Variants in SHISAL1 observed in about 807,000 individuals in gnomAD.
SHISAL1 encodes the protein shisa like 1.
Under a neutral mutation model 22.6 loss-of-function variants are expected in SHISAL1, and 9 were observed. The ratio of observed to expected loss-of-function variants is 0.40; its 90% CI spans 0.24 to 0.70. SHISAL1 has a LOEUF of 0.70. Ranked by LOEUF, SHISAL1 falls within the 30% of genes least tolerant of loss-of-function variation. The pLI, the probability that SHISAL1 is intolerant of heterozygous loss-of-function variation, is 0.39. For synonymous variants in SHISAL1, 119 were observed against 115.4 expected, an observed-to-expected ratio of 1.03 and a Z score of -0.20; for missense variants, 246 against 270.6, an observed-to-expected ratio of 0.91 and a Z score of 0.64.
intron 2 of SHISAL1, 35 bp downstream of exon 2, chr22:44,300,844 G>A: frequency 1.3e-6 from 2 of 1,587,270 alleles, no homozygotes; most frequent in Non-Finnish European, 8.6e-7. Context: ...ACCCCCACGT[G>A]CCGCCCCCGC....
In SHISAL1 at chr22:44,249,716, C is replaced by T. The variant is rs1374848991; in HGVS notation, c.*-31G>A. ...GGAAATACAAGGAAAAAAAGTATCA[C>T]ATGGTGTCTCCTCCATGGGGACATT... On this transcript the variant is annotated intron_variant, in intron 4 of 4. Transcript: ENST00000381176. 6 of 778,486 alleles carry T rather than the reference C, an allele frequency of 7.7e-6. No individual in the cohort carries two copies. The African/African-American group carries it at 8.5e-5, about 11-fold the overall frequency. The allele number at this position is 778,486 out of a possible 1,614,324, so 48.2% of individuals were successfully genotyped here. A position where few individuals can be genotyped will look rare whatever the true frequency, so the allele number is the denominator to read the frequency against.
chr22:44,250,616 C>G (rs527370075), intron 4 of SHISAL1, among the ~76,000 whole-genome samples: 1 of 152,296 alleles, frequency 6.6e-6, no homozygotes, highest in South Asian at 2.1e-4. Context: ...GGTCACATGA[C>G]CCAGTCTGGC....
chr22:44,318,062 G>A, the SHISAL1 span, among the ~76,000 whole-genome samples: 1 of 152,244 alleles, frequency 6.6e-6, no homozygotes, highest in African/African-American at 2.4e-5. Context: ...CCACATTCAG[G>A]CTGGCTGCCC....
chr22:44,327,756 C>G, the SHISAL1 span, among the ~76,000 whole-genome samples: 2 of 152,082 alleles, frequency 1.3e-5, no homozygotes, highest in African/African-American at 4.8e-5. Flanking sequence ...GTGAGACCAG[C>G]GCCTATGGAA....
intron 1 of SHISAL1, among the ~76,000 whole-genome samples, chr22:44,307,875 G>A (rs1272100081): frequency 6.6e-6 from 1 of 152,216 alleles, no homozygotes; most frequent in Non-Finnish European, 1.5e-5. Context: ...ATGCAGGATG[G>A]CCTGCGGGGA....
intron 4 of SHISAL1, among the ~76,000 whole-genome samples, chr22:44,261,077 T>TTATATATATATATATA (rs56290835): frequency 0.02 from 2,181 of 108,146 alleles, 82 homozygotes; most frequent in East Asian, 0.039. Context: ...CTTCATTACT[T>TTATATATATATATATA]TATATATATA....
intron 2 of SHISAL1, among the ~76,000 whole-genome samples, chr22:44,298,241 T>G (rs2055401437): frequency 6.6e-6 from 1 of 152,210 alleles, no homozygotes; most frequent in Non-Finnish European, 1.5e-5. Flanking sequence ...GAGCCCCAAG[T>G]AGACAGCTGT....
intron 3 of SHISAL1, among the ~76,000 whole-genome samples, chr22:44,288,735 C>A (rs989890465): frequency 6.6e-6 from 1 of 152,266 alleles, no homozygotes; most frequent in African/African-American, 2.4e-5. Context: ...CTCTCCAGAA[C>A]CCCTGCCTAC....
chr22:44,303,712 T>G (rs1472506434), intron 1 of SHISAL1, among the ~76,000 whole-genome samples: 1 of 152,160 alleles, frequency 6.6e-6, no homozygotes, highest in Admixed American at 6.5e-5. Flanking sequence ...TGGAGCCTGG[T>G]CCGTGGAAGG....
intron 4 of SHISAL1, among the ~76,000 whole-genome samples, chr22:44,284,893 T>TCCTG (rs376263550): frequency 1.6e-3 from 227 of 144,194 alleles, no homozygotes; most frequent in Admixed American, 5.0e-3. Context: ...CTCTCTGCCT[T>TCCTG]CCTGCCTTCC....
In SHISAL1 at chr22:44,285,673, C is replaced by T. The variant is rs942287797; in HGVS notation, c.354G>A (p.Leu118=). ...TGTCGTAGTTCATTGCCGAGTAATACAAAAGGTCCAGAACCAGCAGCATCA... is the reference window on the plus strand; with the variant it reads ...TGTCGTAGTTCATTGCCGAGTAATATAAAAGGTCCAGAACCAGCAGCATCA... ...FVLMLLVLDL[L]YYSAMNYDIC... Residue 118 remains leucine, a synonymous_variant, in exon 4 of 5, where the codon TTG becomes TTA. Transcript: ENST00000381176. The T allele has an allele frequency of 2.5e-6, 4 of 1,614,198 alleles. No homozygotes were observed. Among genetic ancestry groups the T allele is most frequent in the Middle Eastern group, 1.6e-4 (1 of 6,062 alleles).
chr22:44,326,541 G>T, the SHISAL1 span, among the ~76,000 whole-genome samples: 1 of 152,136 alleles, frequency 6.6e-6, no homozygotes, highest in South Asian at 2.1e-4. Context: ...CCCTCCCAGG[G>T]CTCTGTTAAG....
At chr22:44,303,722 G>A (rs1182074128) in intron 1 of SHISAL1, among the ~76,000 whole-genome samples, 1 of 152,180 alleles carries the variant, frequency 6.6e-6, no homozygotes, top group South Asian at 2.1e-4. Context: ...TCCGTGGAAG[G>A]GCTGGGTTGG....
At chr22:44,306,812 G>T (rs7511467) in intron 1 of SHISAL1, among the ~76,000 whole-genome samples, 1 of 130,810 alleles carries the variant, frequency 7.6e-6, no homozygotes, top group Non-Finnish European at 1.6e-5. Flanking sequence ...TGATGACGAC[G>T]GCGTGTGTGG....
chr22:44,284,901 T>TG (rs1555928208), intron 4 of SHISAL1, among the ~76,000 whole-genome samples: 585 of 25,932 alleles, frequency 0.023, 6 homozygotes, highest in African/African-American at 0.067. Flanking sequence ...CTTCCTGCCT[T>TG]CCTTCCTTCC....
the SHISAL1 span, among the ~76,000 whole-genome samples, chr22:44,320,550 C>T: frequency 6.6e-6 from 1 of 152,230 alleles, no homozygotes; most frequent in Non-Finnish European, 1.5e-5. Context: ...TTTTTTTCCA[C>T]TCCACTGCTT....
intron 4 of SHISAL1, among the ~76,000 whole-genome samples, chr22:44,264,711 C>T (rs1316625838): frequency 6.6e-6 from 1 of 152,152 alleles, no homozygotes; most frequent in African/African-American, 2.4e-5. Flanking sequence ...TGGGTGAGGT[C>T]CCCAACACAC....
At chr22:44,265,680 G>A (rs2055157023) in intron 4 of SHISAL1, among the ~76,000 whole-genome samples, 1 of 152,196 alleles carries the variant, frequency 6.6e-6, no homozygotes, top group African/African-American at 2.4e-5. Flanking sequence ...CTAATACAAG[G>A]CTTCACAGCA....
At chr22:44,289,769 T>G (rs78091943) in intron 3 of SHISAL1, among the ~76,000 whole-genome samples, 3,416 of 152,324 alleles carry the variant, frequency 0.022, 152 homozygotes, top group African/African-American at 0.079. Flanking sequence ...TTCAGGTCTT[T>G]AAAAAACTTT....
Sources: gnomAD v4.1 joint callset for allele counts (sites outside exome capture counted in the v4.1 genomes callset) on GRCh38, gnomAD v4.1.1 for gene constraint, MANE v1.5 for transcripts, NCBI Gene and HGNC (gene_info 2026-07-23, HGNC 2026-07-21) for gene names.